The following LINGO2 variants were observed in gnomAD, a reference collection of about 807,000 sequenced individuals.
LINGO2 encodes leucine-rich repeat and immunoglobulin-like domain-containing nogo receptor-interacting protein 2.
Under a neutral mutation model 30.6 loss-of-function variants are expected in LINGO2, and 14 were observed. The ratio of observed to expected loss-of-function variants is 0.46; its 90% CI spans 0.30 to 0.72. The LOEUF (loss-of-function observed/expected upper bound fraction) is 0.72, where lower values mean the gene tolerates loss of function less well. Among genes scored for constraint, LINGO2 ranks in the 30% least tolerant of loss-of-function variants. LINGO2 has a pLI of 0.07. For synonymous variants in LINGO2, 317 were observed against 288.5 expected (o/e 1.10, Z -1.00); for missense variants, 729 against 751.7 (o/e 0.97, Z 0.35).
intron 5 of LINGO2, among the ~76,000 whole-genome samples, chr9:28,008,419 A>G (rs542152156): frequency 1.3e-5 from 2 of 152,244 alleles, no homozygotes; most frequent in African/African-American, 4.8e-5. Flanking sequence ...TCCATTTAAT[A>G]TAACTCCACT....
At chr9:28,384,638 T>C (rs1278278819) in intron 2 of LINGO2, among the ~76,000 whole-genome samples, 1 of 152,026 alleles carries the variant, frequency 6.6e-6, no homozygotes, top group East Asian at 1.9e-4. Flanking sequence ...CTTTTAATTC[T>C]GTGTTAGTGC....
At chr9:28,631,684 C>T (rs922057824) in intron 1 of LINGO2, among the ~76,000 whole-genome samples, 1 of 152,018 alleles carries the variant, frequency 6.6e-6, no homozygotes, top group Non-Finnish European at 1.5e-5. Flanking sequence ...GTACAGATGG[C>T]AAACAGAAGC....
intron 5 of LINGO2, among the ~76,000 whole-genome samples, chr9:27,953,347 T>C (rs1819408967): frequency 6.6e-6 from 1 of 152,188 alleles, no homozygotes; most frequent in African/African-American, 2.4e-5. Context: ...GATTTGTCTA[T>C]AATAGAGCAA....
At chr9:28,320,690 C>T (rs1054656745) in intron 3 of LINGO2, among the ~76,000 whole-genome samples, 1 of 152,152 alleles carries the variant, frequency 6.6e-6, no homozygotes, top group Non-Finnish European at 1.5e-5. Context: ...CCAGATCGCT[C>T]TCTATGAATG....
At chr9:27,978,138 T>C (rs1820691668) in intron 5 of LINGO2, among the ~76,000 whole-genome samples, 1 of 152,002 alleles carries the variant, frequency 6.6e-6, no homozygotes, top group African/African-American at 2.4e-5. Flanking sequence ...TGGGATGAAA[T>C]GTAAGAACAC....
chr9:28,083,525 T>C (rs1310719805), intron 4 of LINGO2, among the ~76,000 whole-genome samples: 1 of 152,172 alleles, frequency 6.6e-6, no homozygotes, highest in Non-Finnish European at 1.5e-5. Flanking sequence ...GTTTCCTCTG[T>C]GGCACAGAGG....
At chr9:27,992,524 T>C (rs1456786049) in intron 5 of LINGO2, among the ~76,000 whole-genome samples, 5 of 152,084 alleles carry the variant, frequency 3.3e-5, no homozygotes, top group African/African-American at 7.2e-5. Flanking sequence ...AAAATAGTTA[T>C]GTAATGCAGT....
the LINGO2 span, among the ~76,000 whole-genome samples, chr9:29,155,571 A>G: frequency 7.0e-6 from 1 of 142,480 alleles, no homozygotes; most frequent in Non-Finnish European, 1.5e-5. Flanking sequence ...TTTTTTTTTT[A>G]CAATAATCTA....
chr9:29,044,303 C>T, the LINGO2 span, among the ~76,000 whole-genome samples: 6 of 151,818 alleles, frequency 4.0e-5, no homozygotes, highest in African/African-American at 1.5e-4. Context: ...GGCATAAACT[C>T]CAGAAAAATG....
chr9:29,103,460 A>G, the LINGO2 span, among the ~76,000 whole-genome samples: 1 of 152,076 alleles, frequency 6.6e-6, no homozygotes, highest in African/African-American at 2.4e-5. Flanking sequence ...GCTAACCTAT[A>G]GCAACATAAT....
the LINGO2 span, among the ~76,000 whole-genome samples, chr9:29,091,481 A>C: frequency 2.0e-5 from 3 of 152,096 alleles, no homozygotes; most frequent in Non-Finnish European, 4.4e-5. Context: ...CTTAAAAGTC[A>C]GATGAGTGTA....
chr9:28,963,692 C>T, the LINGO2 span, among the ~76,000 whole-genome samples: 7 of 151,608 alleles, frequency 4.6e-5, no homozygotes, highest in Non-Finnish European at 1.0e-4. Context: ...AAGACAAATA[C>T]CATATATTCT....
At chr9:28,999,772 T>C in the LINGO2 span, among the ~76,000 whole-genome samples, 1 of 152,006 alleles carries the variant, frequency 6.6e-6, no homozygotes, top group Admixed American at 6.6e-5. Flanking sequence ...ATAAACAGTT[T>C]CATGCAACCT....
intron 4 of LINGO2, among the ~76,000 whole-genome samples, chr9:28,089,527 A>T (rs1214249044): frequency 2.6e-5 from 4 of 152,202 alleles, no homozygotes; most frequent in Non-Finnish European, 4.4e-5. Context: ...GAGAACAAAG[A>T]CACATCATAC....
chr9:28,258,375 A>C (rs1244179919), intron 4 of LINGO2, among the ~76,000 whole-genome samples: 1 of 151,884 alleles, frequency 6.6e-6, no homozygotes, highest in Non-Finnish European at 1.5e-5. Flanking sequence ...CTGAGGAATA[A>C]ATGTAGAGCT....
chr9:28,434,216 G>T (rs1169674140), intron 2 of LINGO2, among the ~76,000 whole-genome samples: 1 of 151,342 alleles, frequency 6.6e-6, no homozygotes, highest in Non-Finnish European at 1.5e-5. Flanking sequence ...GGAAGAGAGG[G>T]TTGTGAGGGA....
intron 2 of LINGO2, among the ~76,000 whole-genome samples, chr9:28,418,169 C>T (rs1823045028): frequency 6.6e-6 from 1 of 151,258 alleles, no homozygotes; most frequent in Admixed American, 6.6e-5. Flanking sequence ...GATTAGTGTT[C>T]TTGTTCAGTA....
At chr9:28,023,060 T>C (rs917044675) in intron 4 of LINGO2, among the ~76,000 whole-genome samples, 1 of 152,160 alleles carries the variant, frequency 6.6e-6, no homozygotes, top group African/African-American at 2.4e-5. Flanking sequence ...AATCATGTGT[T>C]ATTGTGTATT....
chr9:28,942,103 G>A, the LINGO2 span, among the ~76,000 whole-genome samples: 1 of 152,124 alleles, frequency 6.6e-6, no homozygotes, highest in Admixed American at 6.6e-5. Flanking sequence ...ACAAGAATGA[G>A]AACCATGTCT....
Sources: gnomAD v4.1 joint callset for allele counts (sites outside exome capture counted in the v4.1 genomes callset) on GRCh38, gnomAD v4.1.1 for gene constraint, MANE v1.5 for transcripts, NCBI Gene and HGNC (gene_info 2026-07-23, HGNC 2026-07-21) for gene names.